Variants in EVI5L observed in about 807,000 individuals in gnomAD.
EVI5L encodes EVI5-like protein.
In EVI5L, 30 loss-of-function variants were observed where a neutral mutation model predicts 106.1. The ratio of observed to expected loss-of-function variants is 0.28; its 90% CI spans 0.21 to 0.38. EVI5L has a LOEUF of 0.38. Ranked by LOEUF, EVI5L falls within the 10% of genes least tolerant of loss-of-function variation. The pLI is 1.00. For synonymous variants in EVI5L, 489 were observed against 483.3 expected (o/e 1.01, Z -0.15); for missense variants, 809 against 1,098.0 (o/e 0.74, Z 3.72).
chr19:7,860,517 C>T, intron 13 of EVI5L, 44 bp from the exon 14 acceptor site: 1 of 1,518,334 alleles, frequency 6.6e-7, no homozygotes, highest in African/African-American at 1.4e-5. Context: ...TGCCCATCCC[C>T]CAGCCATGGC....
chr19:7,833,463 C>T (rs1054773523), intron 1 of EVI5L, among the ~76,000 whole-genome samples: 1 of 152,202 alleles, frequency 6.6e-6, no homozygotes, highest in Non-Finnish European at 1.5e-5. Context: ...AGGCCTGCTG[C>T]GGGGAGCATG....
rs773502662 is a variant in EVI5L at position 7,853,070 on chromosome 19, G to A, written c.988-16G>A. On this transcript the variant is annotated splice_polypyrimidine_tract_variant and intron_variant, in intron 8 of 19. Coordinates refer to ENST00000538904, the MANE Select transcript of EVI5L (RefSeq NM_001159944.3). ...CCTGCATGTTGGTGACCAGGTGACC[G>A]GCTGTGTCCCCACAGTACTTCCAGA... 8 of 1,613,242 alleles carry A rather than the reference G, an allele frequency of 5.0e-6. No homozygotes were observed. Among genetic ancestry groups the A allele is most frequent in the Admixed American group, 1.7e-5 (1 of 59,988 alleles).
At chr19:7,860,270 C>T (rs1450189042) in intron 13 of EVI5L, among the ~76,000 whole-genome samples, 2 of 152,186 alleles carry the variant, frequency 1.3e-5, no homozygotes, top group South Asian at 2.1e-4. Flanking sequence ...CCAGTGATCC[C>T]GGAAAACCAG....
intron 7 of EVI5L, 32 bp downstream of exon 7, chr19:7,851,609 G>C: frequency 1.2e-6 from 2 of 1,602,638 alleles, no homozygotes; most frequent in Non-Finnish European, 1.7e-6. Flanking sequence ...GGAGGGAAGA[G>C]AGCCCCTTGG....
intron 1 of EVI5L, among the ~76,000 whole-genome samples, chr19:7,837,773 G>A (rs1978404091): frequency 6.6e-6 from 1 of 151,982 alleles, no homozygotes; most frequent in Non-Finnish European, 1.5e-5. Flanking sequence ...GTGCAGTCTC[G>A]GCTCACCACA....
At chr19:7,854,052 CA>C (rs1979404233) in intron 10 of EVI5L, among the ~76,000 whole-genome samples, 1 of 152,000 alleles carries the variant, frequency 6.6e-6, no homozygotes, top group Non-Finnish European at 1.5e-5. Context: ...GAGGCGGAGG[CA>C]GGTGGATCAC....
At position 7,858,055 on chromosome 19, in the gene EVI5L, C is replaced by G. The variant is rs1030544141; in HGVS notation, c.1234-136C>G. On this transcript the variant is annotated intron_variant, in intron 12 of 19. Coordinates refer to ENST00000538904, the MANE Select transcript of EVI5L (RefSeq NM_001159944.3). The surrounding 1 kb of genome is among the most constrained non-coding windows in gnomAD (Gnocchi z 5.7). The stretch of plus-strand genomic sequence containing the variant: ...GGCCCAGTGGGACGCTCATCCCAGG[C>G]TCTGAGTACGGGAGGCCCCCACCTC... The G allele has an allele frequency of 3.8e-6, 4 of 1,042,934 alleles. No homozygotes were observed. The highest frequency in any genetic ancestry group is 2.7e-5 in the Admixed American group (1 of 37,494). 64.6% of individuals were successfully genotyped at this position (1,042,934 alleles called of 1,614,324 possible).
In EVI5L at chr19:7,856,104, A is replaced by C. The variant is rs367923568; in HGVS notation, c.1200+36A>C. 1.5e-6 allele frequency: 2 copies of C among 1,316,662 alleles called. No homozygotes were observed. The highest frequency in any genetic ancestry group is 3.0e-5 in the African/African-American group (2 of 66,376). 81.6% of individuals were successfully genotyped at this position (1,316,662 alleles called of 1,614,324 possible). A position where few individuals can be genotyped will look rare whatever the true frequency, so the allele number is the denominator to read the frequency against. The stretch of plus-strand genomic sequence containing the variant: ...TGGCCACTGTGAGGACATGGTCGCC[A>C]TGGGGTGTGACCCACCATGCGGGGC... On this transcript the variant is annotated intron_variant, in intron 11 of 19. Coordinates refer to ENST00000538904, the MANE Select transcript of EVI5L (RefSeq NM_001159944.3). This position sits in a 1 kb window ranked among gnomAD's most constrained non-coding sequence, Gnocchi z 6.6.
chr19:7,832,421 C>T (rs117797142), intron 1 of EVI5L, among the ~76,000 whole-genome samples: 2,575 of 152,306 alleles, frequency 0.017, 35 homozygotes, highest in Non-Finnish European at 0.027. Context: ...TATTCACTAG[C>T]GGATTGTGGA....
intron 1 of EVI5L, among the ~76,000 whole-genome samples, chr19:7,842,188 T>C (rs911611178): frequency 1.0e-5 from 1 of 99,304 alleles, no homozygotes; most frequent in African/African-American, 3.1e-5. Context: ...TGCATGGGTG[T>C]GTGTGTTGTG....
chr19:7,854,734 T>G (rs1460845921), intron 10 of EVI5L, among the ~76,000 whole-genome samples: 3 of 152,198 alleles, frequency 2.0e-5, no homozygotes, highest in Non-Finnish European at 4.4e-5. Context: ...GGCTCCAGAT[T>G]GCTATGAGGA....
rs794442 is a variant in EVI5L at position 7,845,968 on chromosome 19, A to G, written c.-47-528A>G. On this transcript the variant is annotated intron_variant, in intron 1 of 19. Transcript: ENST00000538904. The surrounding 1 kb of genome is among the most constrained non-coding windows in gnomAD (Gnocchi z 4.0). ...GCAGCGCCAGACAATTAACAGTCGA[A>G]AGTAATTGCTCTTGGCCGTGCCAGC... Among the ~76,000 whole-genome samples, 111,750 of 152,160 alleles carry G rather than the reference A, an allele frequency of 0.73. 41,451 individuals carry two copies. The highest frequency in any genetic ancestry group is 0.84 in the South Asian group (4,046 of 4,832).
Position 7,862,440 on chromosome 19 carries a change from T to G in EVI5L, c.1853T>G (p.Leu618Arg). 6.2e-7 allele frequency: 1 copy of G among 1,610,504 alleles called. No homozygotes were observed. Among genetic ancestry groups the G allele is most frequent in the Non-Finnish European group, 8.5e-7 (1 of 1,178,840 alleles). ...CGCGTGGAGGCGGAGCGCGCGGCGC[T>G]GCAGGAGAAGCTGCAGTACCTGGCT... Reference protein sequence around the residue: ...LNRVEAERAALQEKLQYLAAQ... With the variant: ...LNRVEAERAARQEKLQYLAAQ... The change falls in exon 17 of 20, where the codon CTG becomes CGG. Residue 618 changes from leucine (L) to arginine (R), a missense_variant. Physicochemically the swap from Leu to Arg is moderately radical, Grantham distance 102. Transcript: ENST00000538904.
intron 10 of EVI5L, among the ~76,000 whole-genome samples, chr19:7,854,334 C>T (rs1979425984): frequency 6.6e-6 from 1 of 151,638 alleles, no homozygotes; most frequent in African/African-American, 2.4e-5. Flanking sequence ...TGAGCACCTG[C>T]TGTGTGCCAA....
chr19:7,863,412 C>G lies in EVI5L; in HGVS notation c.2140-12C>G. The G allele has an allele frequency of 1.3e-6, 2 of 1,532,520 alleles. No homozygotes were observed. Among genetic ancestry groups the G allele is most frequent in the South Asian group, 2.4e-5 (2 of 81,864 alleles). The allele number at this position is 1,532,520 out of a possible 1,614,324, so 94.9% of individuals were successfully genotyped here. ...GCCGGTCCACGCCTGCAGCGCCGGT[C>G]CCCCGCCCCAGGTGCGGCTGCTGAA... On this transcript the variant is annotated splice_polypyrimidine_tract_variant and intron_variant, in intron 19 of 19. Transcript: ENST00000538904. This position sits in a 1 kb window ranked among gnomAD's most constrained non-coding sequence, Gnocchi z 7.7.
intron 1 of EVI5L, among the ~76,000 whole-genome samples, chr19:7,838,889 C>A (rs930978614): frequency 6.6e-6 from 1 of 151,574 alleles, no homozygotes; most frequent in African/African-American, 2.4e-5. Flanking sequence ...TTTGAGGAGC[C>A]GAGGCGGGAA....
In EVI5L at chr19:7,863,992, C is replaced by G. The variant is rs565794452; in HGVS notation, c.*290C>G. 2.5e-6 allele frequency: 1 copy of G among 401,480 alleles called. No individual in the cohort carries two copies. Among genetic ancestry groups the G allele is most frequent in the Non-Finnish European group, 4.4e-6 (1 of 226,060 alleles). The allele number at this position is 401,480 out of a possible 1,614,324, so 24.9% of individuals were successfully genotyped here. ...CTGGAGGGGCTGACTGCTCTCTTAA[C>G]AGGAGGGCAGAGGGCAGGGGACAGA... is the stretch of plus-strand genomic sequence containing the variant. On this transcript the variant is annotated 3_prime_UTR_variant, in exon 20 of 20. Coordinates refer to ENST00000538904, the MANE Select transcript of EVI5L (RefSeq NM_001159944.3). The surrounding 1 kb of genome is among the most constrained non-coding windows in gnomAD (Gnocchi z 7.7).
rs1979599031 is a variant in EVI5L at position 7,857,730 on chromosome 19, G to A, written c.1234-461G>A. The A allele has an allele frequency of 5.5e-6, 1 of 183,458 alleles. No individual in the cohort carries two copies. Among genetic ancestry groups the A allele is most frequent in the African/African-American group, 2.4e-5 (1 of 42,186 alleles). 11.4% of individuals were successfully genotyped at this position (183,458 alleles called of 1,614,324 possible). On this transcript the variant is annotated intron_variant, in intron 12 of 19. Coordinates refer to ENST00000538904, the MANE Select transcript of EVI5L (RefSeq NM_001159944.3). This position sits in a 1 kb window ranked among gnomAD's most constrained non-coding sequence, Gnocchi z 4.5. ...AAAAGGGGGTCTTAGCTCCAGGCAGGTGGAGGCCCCAGAGCCCAGGACTAG... is the reference window on the plus strand; with the variant it reads ...AAAAGGGGGTCTTAGCTCCAGGCAGATGGAGGCCCCAGAGCCCAGGACTAG...
chr19:7,830,573 G>A (rs1227236860), intron 1 of EVI5L, among the ~76,000 whole-genome samples, 192 bp downstream of exon 1: 1 of 133,146 alleles, frequency 7.5e-6, no homozygotes, highest in African/African-American at 2.8e-5. Flanking sequence ...CGATCCCTCC[G>A]GACCCCTCCC....
Sources: allele counts gnomAD v4.1 joint callset (sites outside exome capture counted in the v4.1 genomes callset), GRCh38; gene constraint gnomAD v4.1.1; non-coding constraint Gnocchi (gnomAD v3.1); transcripts MANE v1.5; gene names NCBI Gene and HGNC (gene_info 2026-07-23, HGNC 2026-07-21).